The following TFEC variants were observed in gnomAD, a reference collection of about 807,000 sequenced individuals.
The protein encoded by TFEC is transcription factor EC, also known as class E basic helix-loop-helix protein 34.
Under a neutral mutation model 41.6 loss-of-function variants are expected in TFEC, and 31 were observed. The ratio of observed to expected loss-of-function variants is 0.74; its 90% CI spans 0.56 to 1.01. The LOEUF (loss-of-function observed/expected upper bound fraction) is 1.01. Ranked by LOEUF, TFEC falls within the 50% of genes least tolerant of loss-of-function variation. The probability of loss-of-function intolerance (pLI) is 0.00; values close to 1 mark genes in which losing one functional copy is unlikely to be tolerated. For synonymous variants in TFEC, 143 were observed against 140.6 expected (o/e 1.02, Z -0.12); for missense variants, 402 against 404.1 (o/e 0.99, Z 0.04).
chr7:116,040,711 T>C (rs1261856741), intron 3 of TFEC, among the ~76,000 whole-genome samples: 1 of 152,156 alleles, frequency 6.6e-6, no homozygotes, highest in Non-Finnish European at 1.5e-5. Flanking sequence ...GCTTCTAACA[T>C]CATGGCTGTT....
chr7:116,073,374 T>C (rs1483998499), intron 3 of TFEC, among the ~76,000 whole-genome samples: 1 of 151,826 alleles, frequency 6.6e-6, no homozygotes, highest in East Asian at 1.9e-4. Flanking sequence ...TATGAACATA[T>C]AACTCTGTTG....
intron 1 of TFEC, among the ~76,000 whole-genome samples, chr7:116,122,424 T>G (rs1384096393): frequency 6.6e-6 from 1 of 152,076 alleles, no homozygotes; most frequent in Non-Finnish European, 1.5e-5. Flanking sequence ...CATACACACC[T>G]GCTCCCGTAA....
chr7:116,080,571 G>A (rs1797064170), intron 3 of TFEC, among the ~76,000 whole-genome samples: 4 of 152,010 alleles, frequency 2.6e-5, no homozygotes, highest in Non-Finnish European at 4.4e-5. Flanking sequence ...TATACAAATG[G>A]CCAAGAAGCA....
chr7:116,086,406 C>G (rs1172205910), intron 3 of TFEC, among the ~76,000 whole-genome samples: 1 of 151,824 alleles, frequency 6.6e-6, no homozygotes, highest in Non-Finnish European at 1.5e-5. Context: ...TGTTCTTATC[C>G]TCATTATCAA....
chr7:116,044,022 A>C (rs1030389132), intron 3 of TFEC, among the ~76,000 whole-genome samples: 3 of 152,134 alleles, frequency 2.0e-5, no homozygotes, highest in Non-Finnish European at 2.9e-5. Context: ...ATTCTTAGTT[A>C]TTTTCTCAAA....
intron 1 of TFEC, among the ~76,000 whole-genome samples, chr7:116,150,587 A>G (rs572219893): frequency 2.6e-5 from 4 of 152,098 alleles, no homozygotes; most frequent in Non-Finnish European, 5.9e-5. Flanking sequence ...ACGGTTATAT[A>G]TCACATGGTT....
At chr7:116,107,443 T>C (rs1459940668) in intron 3 of TFEC, among the ~76,000 whole-genome samples, 1 of 152,166 alleles carries the variant, frequency 6.6e-6, no homozygotes, top group East Asian at 1.9e-4. Flanking sequence ...TAAATACTTA[T>C]TTTCCTTGAT....
At chr7:116,060,042 CAT>C (rs756784156) in intron 3 of TFEC, among the ~76,000 whole-genome samples, 3 of 152,022 alleles carry the variant, frequency 2.0e-5, no homozygotes, top group Non-Finnish European at 4.4e-5. Flanking sequence ...TCTTAGATCA[CAT>C]GAGTGTCTAT....
intron 3 of TFEC, among the ~76,000 whole-genome samples, chr7:116,068,089 C>G (rs1796737171): frequency 6.6e-6 from 1 of 151,710 alleles, no homozygotes; most frequent in Non-Finnish European, 1.5e-5. Flanking sequence ...AAAAGGAATA[C>G]TTACTATATT....
At chr7:116,098,047 A>G (rs1465201018) in intron 3 of TFEC, among the ~76,000 whole-genome samples, 1 of 152,254 alleles carries the variant, frequency 6.6e-6, no homozygotes, top group Non-Finnish European at 1.5e-5. Context: ...ATCAAAAGAT[A>G]GAGATTAGCA....
chr7:116,105,311 A>C (rs1797692548), intron 3 of TFEC, among the ~76,000 whole-genome samples: 1 of 152,210 alleles, frequency 6.6e-6, no homozygotes, highest in Non-Finnish European at 1.5e-5. Flanking sequence ...CAATGTATCC[A>C]CTACCACTGC....
intron 1 of TFEC, among the ~76,000 whole-genome samples, chr7:116,018,443 A>C (rs1795274212): frequency 6.6e-6 from 1 of 152,202 alleles, no homozygotes; most frequent in Admixed American, 6.5e-5. Flanking sequence ...CTTTATATGC[A>C]CAGGCTAACA....
intron 3 of TFEC, among the ~76,000 whole-genome samples, chr7:116,082,848 C>CA (rs1466828897): frequency 6.6e-6 from 1 of 151,794 alleles, no homozygotes; most frequent in Non-Finnish European, 1.5e-5. Context: ...CAATCCTGTT[C>CA]AATGCATTTT....
At chr7:116,130,259 T>C (rs753401005) in intron 1 of TFEC, among the ~76,000 whole-genome samples, 2 of 152,308 alleles carry the variant, frequency 1.3e-5, no homozygotes, top group South Asian at 2.1e-4. Context: ...ATCCATTCAC[T>C]AGCTAGACTA....
chr7:116,129,000 C>T (rs1017100660), intron 1 of TFEC, among the ~76,000 whole-genome samples: 4 of 151,272 alleles, frequency 2.6e-5, no homozygotes, highest in Admixed American at 1.3e-4. Context: ...CTAAACGACA[C>T]GAATTATTAC....
chr7:115,955,499 G>C (rs764887358), intron 4 of TFEC, among the ~76,000 whole-genome samples: 14 of 152,028 alleles, frequency 9.2e-5, no homozygotes, highest in Non-Finnish European at 1.3e-4. Context: ...GAACTTGAGT[G>C]AAACACCTCG....
chr7:116,084,058 C>G (rs937082280), intron 3 of TFEC, among the ~76,000 whole-genome samples: 4 of 151,872 alleles, frequency 2.6e-5, no homozygotes, highest in Non-Finnish European at 5.9e-5. Flanking sequence ...CTCTGTTACT[C>G]ATTAATTATT....
intron 1 of TFEC, among the ~76,000 whole-genome samples, chr7:116,021,154 C>G (rs1287127612): frequency 3.9e-5 from 6 of 152,128 alleles, no homozygotes; most frequent in Non-Finnish European, 7.4e-5. Context: ...TTTTAAAAAG[C>G]CATGCAAATA....
chr7:116,050,478 T>C (rs1397283935), intron 3 of TFEC, among the ~76,000 whole-genome samples: 1 of 152,000 alleles, frequency 6.6e-6, no homozygotes, highest in African/African-American at 2.4e-5. Flanking sequence ...CATCAAAAAG[T>C]GGGTGAAGGA....
Sources: gnomAD v4.1 joint callset for allele counts (sites outside exome capture counted in the v4.1 genomes callset) on GRCh38, gnomAD v4.1.1 for gene constraint, MANE v1.5 for transcripts, NCBI Gene and HGNC (gene_info 2026-07-23, HGNC 2026-07-21) for gene names.